CARMIL3: variants seen among roughly 807,000 people sequenced by gnomAD.
CARMIL3 encodes the protein capping protein regulator and myosin 1 linker 3.
A neutral mutation model predicts 180.8 loss-of-function variants in CARMIL3; 88 were observed. The ratio of observed to expected loss-of-function variants is 0.49; its 90% CI spans 0.41 to 0.58. CARMIL3 has a LOEUF of 0.58. CARMIL3 is among the 20% of genes least tolerant of loss of function. The probability of loss-of-function intolerance (pLI) is 0.00; values close to 1 mark genes in which losing one functional copy is unlikely to be tolerated. For missense variants in CARMIL3, 1,548 were observed against 1,787.0 expected (o/e 0.87, Z 2.41); for synonymous variants, 696 against 714.5 (o/e 0.97, Z 0.41).
At chr14:24,052,686 G>A (rs2035629580) in intron 1 of CARMIL3, among the ~76,000 whole-genome samples, 1 of 152,242 alleles carries the variant, frequency 6.6e-6, no homozygotes, top group South Asian at 2.1e-4. Context: ...CAGGCCAGTG[G>A]GGCAAAGAAA....
chr14:24,068,353 C>T (rs1242837248), intron 36 of CARMIL3, among the ~76,000 whole-genome samples: 5 of 149,010 alleles, frequency 3.4e-5, no homozygotes, highest in Admixed American at 3.4e-4. Context: ...GCCAAGATTG[C>T]ACCACTGTAC....
rs200083879 is a variant in CARMIL3, at chr14:24,058,068, G to A, written c.1322+4G>A. The A allele has an allele frequency of 6.2e-6, 10 of 1,613,796 alleles. No individual in the cohort carries two copies. In the East Asian group the frequency reaches 6.7e-5, roughly 11 times the overall value. ...AGCTGCCCCTGGAGGCCCTCAGGTC[G>A]GGTGGGTGCAGGGTTGGGGGCGCAT... is the stretch of plus-strand genomic sequence containing the variant. On this transcript the variant is annotated splice_donor_region_variant and intron_variant, in intron 16 of 39. Coordinates refer to ENST00000342740, the MANE Select transcript of CARMIL3 (RefSeq NM_138360.4). This position sits in a 1 kb window ranked among gnomAD's most constrained non-coding sequence, Gnocchi z 6.4.
chr14:24,068,839 G>A lies in CARMIL3; in HGVS notation c.3855G>A (p.Arg1285=). The change falls in exon 38 of 40, where the codon AGG becomes AGA. Residue 1285 remains arginine (R), a synonymous_variant. Coordinates refer to ENST00000342740, the MANE Select transcript of CARMIL3 (RefSeq NM_138360.4). ...CTCCCAAGCCAGTGGCTGTGCCCAGGGGCCGCCAGCCTCCCCAGGAGCCAG... is the reference window on the plus strand; with the variant it reads ...CTCCCAAGCCAGTGGCTGTGCCCAGAGGCCGCCAGCCTCCCCAGGAGCCAG... ...PWPPKPVAVP[R]GRQPPQEPGV... 4 of 1,613,666 alleles carry A rather than the reference G, an allele frequency of 2.5e-6. No individual in the cohort carries two copies. The highest frequency in any genetic ancestry group is 3.4e-6 in the Non-Finnish European group (4 of 1,179,994).
At chr14:24,052,568 G>T in intron 1 of CARMIL3, among the ~76,000 whole-genome samples, 1 of 152,196 alleles carries the variant, frequency 6.6e-6, no homozygotes. Flanking sequence ...CCCTCCCTGC[G>T]ATGGGAGCTG....
chr14:24,058,230 C>G lies in CARMIL3; in HGVS notation c.1392+6C>G. 1 of 1,612,498 alleles carries G rather than the reference C, an allele frequency of 6.2e-7. No individual in the cohort carries two copies. Among genetic ancestry groups the G allele is most frequent in the African/African-American group, 1.3e-5 (1 of 75,016 alleles). On this transcript the variant is annotated splice_donor_region_variant and intron_variant, in intron 17 of 39. Coordinates refer to ENST00000342740, the MANE Select transcript of CARMIL3 (RefSeq NM_138360.4). This position sits in a 1 kb window ranked among gnomAD's most constrained non-coding sequence, Gnocchi z 6.4. ...TGGATCTCAGCAGCTGCGAGGTGAG[C>G]CCTCAGTCCCCAACCCCTCTGCCCG...
In CARMIL3 at chr14:24,059,212, G is replaced by A. The variant is rs1230908944; in HGVS notation, c.1626+23G>A. The A allele has an allele frequency of 2.5e-6, 4 of 1,613,546 alleles. No homozygotes were observed. The highest frequency in any genetic ancestry group is 3.4e-6 in the Non-Finnish European group (4 of 1,179,920). ...TGTGTGAGTGCCTGGGCCTGGGAGGGGACCTGCAGTCGGAGGAGGCTGTGG... is the reference window on the plus strand; with the variant it reads ...TGTGTGAGTGCCTGGGCCTGGGAGGAGACCTGCAGTCGGAGGAGGCTGTGG... On this transcript the variant is annotated intron_variant, in intron 20 of 39. Transcript: ENST00000342740. The surrounding 1 kb of genome is among the most constrained non-coding windows in gnomAD (Gnocchi z 6.3).
At chr14:24,069,067 T>TCACAGCC (rs2035827239) in intron 38 of CARMIL3, 70 bp from the exon 39 acceptor site, 1 of 1,598,262 alleles carries the variant, frequency 6.3e-7, no homozygotes, top group Non-Finnish European at 8.5e-7. Context: ...CAACCAGGAG[T>TCACAGCC]CACAGCCTGG....
Position 24,061,074 on chromosome 14 carries a change from G to A in CARMIL3, c.2304+34G>A. 6.5e-7 allele frequency: 1 copy of A among 1,534,180 alleles called. No individual in the cohort carries two copies. Among genetic ancestry groups the A allele is most frequent in the South Asian group, 1.2e-5 (1 of 83,612 alleles). On this transcript the variant is annotated intron_variant, in intron 26 of 39. Transcript: ENST00000342740. The surrounding 1 kb of genome is among the most constrained non-coding windows in gnomAD (Gnocchi z 4.1). ...TGGAGGAGGGAGGAATCCATGGTGG[G>A]AACCTAGTGTTGACTGAGGCCCTAA...
chr14:24,054,878 A>C lies in CARMIL3; in HGVS notation c.460+70A>C. On this transcript the variant is annotated intron_variant, in intron 6 of 39. Transcript: ENST00000342740. This position sits in a 1 kb window ranked among gnomAD's most constrained non-coding sequence, Gnocchi z 5.1. ...GCCCCATGATCAGAGCCCTTTGTGC[A>C]CAGGGTGTTGCCTGGGCGGGCGGGC... The C allele has an allele frequency of 6.6e-7, 1 of 1,513,280 alleles. No individual in the cohort carries two copies. Among genetic ancestry groups the C allele is most frequent in the Non-Finnish European group, 9.1e-7 (1 of 1,096,510 alleles). The allele number at this position is 1,513,280 out of a possible 1,614,324, so 93.7% of individuals were successfully genotyped here. A position where few individuals can be genotyped will look rare whatever the true frequency, so the allele number is the denominator to read the frequency against.
At position 24,053,821 on chromosome 14, in the gene CARMIL3, G is replaced by A. The variant is rs775128053; in HGVS notation, c.135+18G>A. 2.5e-6 allele frequency: 4 copies of A among 1,600,712 alleles called. No individual in the cohort carries two copies. Among genetic ancestry groups the A allele is most frequent in the African/African-American group, 1.3e-5 (1 of 74,792 alleles). On this transcript the variant is annotated intron_variant, in intron 2 of 39. Transcript: ENST00000342740. ...GAGTGCTGGTGAGGGCACTGGGCAT[G>A]TGGGGAGGGAGGAGGTGGCTGGCAA... is the stretch of plus-strand genomic sequence containing the variant.
chr14:24,057,734 G>A (rs1428590329), intron 14 of CARMIL3, 69 bp from the exon 15 acceptor site: 2 of 1,355,320 alleles, frequency 1.5e-6, no homozygotes, highest in East Asian at 2.5e-5. Flanking sequence ...GGGAGGGAGG[G>A]GGAGTCCTTT....
At position 24,065,128 on chromosome 14, in the gene CARMIL3, C is replaced by A. The variant is rs201242408; in HGVS notation, c.3251C>A (p.Pro1084His). ...TTGLLLPPPPPPPPTQESPPS... is the reference protein window; with the variant it reads ...TTGLLLPPPPHPPPTQESPPS... ...GGACTCCTCCTCCCTCCACCCCCAC[C>A]CCCTCCCCCGACTCAGGAGAGCCCC... is the stretch of plus-strand genomic sequence containing the variant. The change falls in exon 33 of 40, where the codon CCC (proline) becomes CAC (histidine). Residue 1084 changes from proline to histidine, a missense_variant. Physicochemically the swap from Pro to His is moderately conservative, Grantham distance 77 (BLOSUM62 -2). Around this residue, in one of 4 missense-constraint regions of CARMIL3, gnomAD observed 668 missense variants for 687.8 expected, o/e 0.97. Transcript: ENST00000342740. 0.011 allele frequency: 15,991 copies of A among 1,462,018 alleles called. 108 individuals carry two copies. Among genetic ancestry groups the A allele is most frequent in the Non-Finnish European group, 0.014 (15,073 of 1,106,280 alleles). 90.6% of individuals were successfully genotyped at this position (1,462,018 alleles called of 1,614,324 possible).
At position 24,058,511 on chromosome 14, in the gene CARMIL3, G is replaced by A. The variant is rs2035697894; in HGVS notation, c.1393-169G>A. 6.6e-6 allele frequency among the ~76,000 whole-genome samples: 1 copy of A among 152,200 alleles called. No homozygotes were observed. The highest frequency in any genetic ancestry group is 1.5e-5 in the Non-Finnish European group (1 of 68,036). Reference sequence around the variant, plus strand: ...ATAGCAGCCTTCCTGGCCGAAGGGAGGGAAGCCAGCTCTAGGGAAGGATCT... The same window carrying A: ...ATAGCAGCCTTCCTGGCCGAAGGGAAGGAAGCCAGCTCTAGGGAAGGATCT... On this transcript the variant is annotated intron_variant, in intron 17 of 39. Coordinates refer to ENST00000342740, the MANE Select transcript of CARMIL3 (RefSeq NM_138360.4). This position sits in a 1 kb window ranked among gnomAD's most constrained non-coding sequence, Gnocchi z 6.4.
At position 24,054,447 on chromosome 14, in the gene CARMIL3, G is replaced by A. The variant is rs768777428; in HGVS notation, c.298G>A (p.Glu100Lys). ...GMVSMRLPSA[E>K]SVDQVTRHVS... Reference sequence around the variant, plus strand: ...GGTGAGCATGCGACTGCCATCAGCTGAAAGTGTGGACCAGGTGACACGACA... The same window carrying A: ...GGTGAGCATGCGACTGCCATCAGCTAAAAGTGTGGACCAGGTGACACGACA... The change falls in exon 5 of 40, where the codon GAA becomes AAA. Residue 100 changes from glutamate to lysine, a missense_variant. This residue lies in a region of CARMIL3 where 578 missense variants were observed against 666.5 expected (regional missense o/e 0.87). Transcript: ENST00000342740. This position sits in a 1 kb window ranked among gnomAD's most constrained non-coding sequence, Gnocchi z 5.1. 3 of 1,614,160 alleles carry A rather than the reference G, an allele frequency of 1.9e-6. No individual in the cohort carries two copies. Among genetic ancestry groups the A allele is most frequent in the Non-Finnish European group, 2.5e-6 (3 of 1,180,024 alleles).
At position 24,059,428 on chromosome 14, in the gene CARMIL3, A is replaced by G; in HGVS notation, c.1785A>G (p.Ile595Met). 6.3e-7 allele frequency: 1 copy of G among 1,578,868 alleles called. No homozygotes were observed. The highest frequency in any genetic ancestry group is 8.6e-7 in the Non-Finnish European group (1 of 1,162,562). ...AGATGCTGTCTAAGGCCCTGCAGAT[A>G]AACTCCTCCCTCAGGTGGGGCCCAC... ...GAKMLSKALQ[I>M]NSSLRTILWD... Residue 595 changes from isoleucine to methionine, a missense_variant, in exon 21 of 40, where the codon ATA (isoleucine) becomes ATG (methionine). Coordinates refer to ENST00000342740, the MANE Select transcript of CARMIL3 (RefSeq NM_138360.4). This position sits in a 1 kb window ranked among gnomAD's most constrained non-coding sequence, Gnocchi z 6.3.
Position 24,058,457 on chromosome 14 carries a change from C to T in CARMIL3, c.1393-223C>T, listed in dbSNP as rs947426155. Among the ~76,000 whole-genome samples the T allele has an allele frequency of 6.6e-6, 1 of 152,138 alleles. No homozygotes were observed. Among genetic ancestry groups the T allele is most frequent in the Non-Finnish European group, 1.5e-5 (1 of 68,028 alleles). On this transcript the variant is annotated intron_variant, in intron 17 of 39. Transcript: ENST00000342740. This position sits in a 1 kb window ranked among gnomAD's most constrained non-coding sequence, Gnocchi z 6.4. ...GGGTGGGAGATACCAGACTTTTCCA[C>T]CAGAGGGCAGGAGCAAGCTGTCTTA...
rs753758059 is a variant in CARMIL3 at position 24,066,554 on chromosome 14, C to T, written c.3593-13C>T. ...CTTTCTCCTCTCTTTCTCATCCCCT[C>T]TCTCTACTCCAGGGCCTGGATCCTG... On this transcript the variant is annotated splice_polypyrimidine_tract_variant and intron_variant, in intron 35 of 39. Transcript: ENST00000342740. 1 of 1,613,926 alleles carries T rather than the reference C, an allele frequency of 6.2e-7. No individual in the cohort carries two copies. Among genetic ancestry groups the T allele is most frequent in the Non-Finnish European group, 8.5e-7 (1 of 1,179,816 alleles).
Position 24,064,356 on chromosome 14 carries a change from C to CT in CARMIL3, c.3080+11dup. 2 of 1,587,136 alleles carry CT rather than the reference C, an allele frequency of 1.3e-6. No individual in the cohort carries two copies. The highest frequency in any genetic ancestry group is 8.6e-7 in the Non-Finnish European group (1 of 1,160,016). ...TGGAGGAAAGTTCTAGGTGTGATGC[C>CT]TAAACACACTCCCATTTTCAGCAGG... On this transcript the variant is annotated intron_variant, in intron 32 of 39. Coordinates refer to ENST00000342740, the MANE Select transcript of CARMIL3 (RefSeq NM_138360.4).
intron 36 of CARMIL3, 143 bp from the exon 37 acceptor site, chr14:24,068,441 C>A: frequency 3.4e-6 from 2 of 579,794 alleles, no homozygotes; most frequent in South Asian, 3.1e-5. Flanking sequence ...AAAAAAAAGG[C>A]ACATGAAAGG....
Sources: allele counts gnomAD v4.1 joint callset (sites outside exome capture counted in the v4.1 genomes callset), GRCh38; gene constraint gnomAD v4.1.1; regional missense constraint gnomAD v4.1.1; non-coding constraint Gnocchi (gnomAD v3.1); transcripts MANE v1.5; gene names NCBI Gene and HGNC (gene_info 2026-07-23, HGNC 2026-07-21).